WWOX: variants seen among roughly 807,000 people sequenced by gnomAD.
WWOX encodes the protein WW domain-containing oxidoreductase.
Under a neutral mutation model 46.2 loss-of-function variants are expected in WWOX, and 69 were observed. That is an observed-to-expected ratio of 1.49 (90% CI 1.23 to 1.82). The LOEUF (loss-of-function observed/expected upper bound fraction) is 1.82. WWOX is among the 40% of genes most tolerant of loss of function. The pLI is 0.00. For missense variants in WWOX, 919 were observed against 542.6 expected (o/e 1.69, Z -6.89); for synonymous variants, 359 against 202.6 (o/e 1.77, Z -6.56).
At chr16:78,169,494 G>T (rs71396156) in intron 5 of WWOX, among the ~76,000 whole-genome samples, 10,109 of 129,724 alleles carry the variant, frequency 0.078, 388 homozygotes, top group Non-Finnish European at 0.11. Context: ...ACCTCTGCAT[G>T]TAAAGAACAA....
At chr16:79,150,246 C>G (rs552670023) in intron 8 of WWOX, among the ~76,000 whole-genome samples, 3 of 152,218 alleles carry the variant, frequency 2.0e-5, no homozygotes, top group African/African-American at 7.2e-5. Context: ...AAGAGCAGCA[C>G]TGAACTTTGT....
intron 8 of WWOX, among the ~76,000 whole-genome samples, chr16:78,796,552 G>C (rs943838843): frequency 1.3e-5 from 2 of 152,238 alleles, no homozygotes; most frequent in Admixed American, 6.5e-5. Context: ...TCTCAGGCTT[G>C]CTTTCTATTG....
intron 1 of WWOX, among the ~76,000 whole-genome samples, chr16:78,102,160 G>A (rs934637170): frequency 6.6e-6 from 1 of 152,168 alleles, no homozygotes; most frequent in African/African-American, 2.4e-5. Flanking sequence ...ACTCAAGCCA[G>A]CCTCCCTCCC....
intron 8 of WWOX, among the ~76,000 whole-genome samples, chr16:78,699,063 T>C (rs1037909929): frequency 5.9e-5 from 9 of 152,222 alleles, no homozygotes; most frequent in Non-Finnish European, 1.2e-4. Flanking sequence ...AGATGGTGTG[T>C]GTTACAACTG....
intron 8 of WWOX, among the ~76,000 whole-genome samples, chr16:78,855,885 C>T (rs1011121843): frequency 5.3e-5 from 8 of 152,292 alleles, no homozygotes; most frequent in Admixed American, 2.6e-4. Context: ...AGGCCCAGTC[C>T]TTACTCTCAT....
At chr16:78,326,053 AG>A (rs1234679619) in intron 5 of WWOX, among the ~76,000 whole-genome samples, 1 of 152,122 alleles carries the variant, frequency 6.6e-6, no homozygotes, top group African/African-American at 2.4e-5. Context: ...CTTAAGCAGA[AG>A]GGGGAGGTAG....
At chr16:78,566,639 C>G (rs935150383) in intron 8 of WWOX, among the ~76,000 whole-genome samples, 1 of 152,164 alleles carries the variant, frequency 6.6e-6, no homozygotes, top group African/African-American at 2.4e-5. Flanking sequence ...GCAGAGCTTC[C>G]TTCTTCTGTA....
chr16:78,203,669 G>A (rs546264258), intron 5 of WWOX, among the ~76,000 whole-genome samples: 3 of 152,312 alleles, frequency 2.0e-5, no homozygotes, highest in African/African-American at 7.2e-5. Context: ...GAGAACTGGG[G>A]AGGAATTTAT....
intron 4 of WWOX, among the ~76,000 whole-genome samples, chr16:78,118,583 G>C (rs1028284965): frequency 6.6e-6 from 1 of 152,102 alleles, no homozygotes; most frequent in Non-Finnish European, 1.5e-5. Flanking sequence ...TGTATATTCA[G>C]TTATCCCAAA....
intron 8 of WWOX, among the ~76,000 whole-genome samples, chr16:78,847,851 C>T (rs1330072780): frequency 6.6e-6 from 1 of 152,054 alleles, no homozygotes; most frequent in African/African-American, 2.4e-5. Flanking sequence ...CTGGCATTGC[C>T]CAGTGGAATC....
intron 8 of WWOX, among the ~76,000 whole-genome samples, chr16:78,878,746 G>C (rs1026110526): frequency 6.6e-5 from 10 of 152,108 alleles, no homozygotes; most frequent in African/African-American, 2.4e-4. Flanking sequence ...GACAATGTTA[G>C]TGAAGTTGCT....
At chr16:78,593,813 A>G (rs1318509112) in intron 8 of WWOX, among the ~76,000 whole-genome samples, 3 of 152,116 alleles carry the variant, frequency 2.0e-5, no homozygotes, top group East Asian at 3.9e-4. Flanking sequence ...TAGAGCTAGC[A>G]TGATTGCAAG....
intron 5 of WWOX, among the ~76,000 whole-genome samples, chr16:78,317,343 C>G (rs1386078647): frequency 2.6e-5 from 4 of 152,148 alleles, no homozygotes; most frequent in Non-Finnish European, 2.9e-5. Flanking sequence ...AGCAGTGTTT[C>G]TTCCCCAGGG....
At chr16:79,128,373 A>C (rs1394343322) in intron 8 of WWOX, among the ~76,000 whole-genome samples, 4 of 147,144 alleles carry the variant, frequency 2.7e-5, no homozygotes, top group Admixed American at 2.7e-4. Context: ...TGTGAAAAAC[A>C]AAAAACAAAA....
intron 4 of WWOX, among the ~76,000 whole-genome samples, chr16:78,136,448 C>A (rs146429667): frequency 6.6e-6 from 1 of 152,182 alleles, no homozygotes; most frequent in Non-Finnish European, 1.5e-5. Context: ...ATGTCTCTCT[C>A]TTTAGACCTT....
chr16:78,647,864 T>C (rs908089234), intron 8 of WWOX, among the ~76,000 whole-genome samples: 4 of 151,704 alleles, frequency 2.6e-5, no homozygotes, highest in Non-Finnish European at 4.4e-5. Flanking sequence ...CCCAGCTCTT[T>C]TTTTCTCTCT....
chr16:78,843,524 G>A (rs1353324661), intron 8 of WWOX, among the ~76,000 whole-genome samples: 1 of 150,056 alleles, frequency 6.7e-6, no homozygotes, highest in African/African-American at 2.4e-5. Flanking sequence ...CAAATGACAT[G>A]TTTTGACTCT....
intron 8 of WWOX, among the ~76,000 whole-genome samples, chr16:78,468,117 G>A (rs2084125956): frequency 6.6e-6 from 1 of 152,102 alleles, no homozygotes; most frequent in African/African-American, 2.4e-5. Context: ...GAATGTTCAT[G>A]GCCTCTGGGA....
rs867939097 is a variant in WWOX, at chr16:78,297,376, C to G, written c.517-89484C>G. On this transcript the variant is annotated intron_variant, in intron 5 of 8. Coordinates refer to ENST00000566780, the MANE Select transcript of WWOX (RefSeq NM_016373.4). ...AGTAATTATGGCATCATGTAGGGAG[C>G]CTTCCAACAGCATCCCCCACAGCTT... Among the ~76,000 whole-genome samples, 40 of 152,214 alleles carry G rather than the reference C, an allele frequency of 2.6e-4. 1 individual carries two copies. Among genetic ancestry groups the G allele is most frequent in the Admixed American group, 1.8e-3 (27 of 15,282 alleles).
Sources: gnomAD v4.1 joint callset for allele counts (sites outside exome capture counted in the v4.1 genomes callset) on GRCh38, gnomAD v4.1.1 for gene constraint, MANE v1.5 for transcripts, NCBI Gene and HGNC (gene_info 2026-07-23, HGNC 2026-07-21) for gene names.